LRRC4C: variants seen among roughly 807,000 people sequenced by gnomAD.
LRRC4C encodes the protein leucine-rich repeat-containing protein 4C.
Under a neutral mutation model 33.6 loss-of-function variants are expected in LRRC4C, and 5 were observed. That is an observed-to-expected ratio of 0.15 (90% CI 0.08 to 0.31). The LOEUF is 0.31. Among genes scored for constraint, LRRC4C ranks in the 10% least tolerant of loss-of-function variants. LRRC4C has a pLI of 1.00. For synonymous variants in LRRC4C, 329 were observed against 302.0 expected, an observed-to-expected ratio of 1.09 and a Z score of -0.93; for missense variants, 560 against 796.7, an observed-to-expected ratio of 0.70 and a Z score of 3.58.
chr11:41,243,352 AAAC>A (rs796262897), intron 1 of LRRC4C, among the ~76,000 whole-genome samples: 95 of 152,340 alleles, frequency 6.2e-4, no homozygotes, highest in African/African-American at 2.2e-3. Flanking sequence ...ATATTTTGTC[AAAC>A]AATTTCACTT....
intron 1 of LRRC4C, among the ~76,000 whole-genome samples, chr11:41,386,060 T>C (rs756389409): frequency 2.0e-5 from 3 of 151,640 alleles, no homozygotes; most frequent in Non-Finnish European, 4.4e-5. Flanking sequence ...TTGTAACATC[T>C]TTGCTTAGAC....
At chr11:41,444,234 G>C (rs540249971) in intron 1 of LRRC4C, among the ~76,000 whole-genome samples, 1 of 152,090 alleles carries the variant, frequency 6.6e-6, no homozygotes, top group Middle Eastern at 3.2e-3. Flanking sequence ...AACCACAGAT[G>C]GAAAATATTT....
intron 2 of LRRC4C, among the ~76,000 whole-genome samples, chr11:40,918,175 A>G (rs938485733): frequency 6.6e-6 from 1 of 152,094 alleles, no homozygotes; most frequent in African/African-American, 2.4e-5. Context: ...GAAATCTAGG[A>G]CACAGCCTTT....
At chr11:40,474,645 C>T (rs1953116631) in intron 3 of LRRC4C, among the ~76,000 whole-genome samples, 1 of 152,100 alleles carries the variant, frequency 6.6e-6, no homozygotes, top group African/African-American at 2.4e-5. Flanking sequence ...AGTGAACAGG[C>T]AACCTACAGA....
chr11:40,614,633 T>G (rs1961579819), intron 3 of LRRC4C, among the ~76,000 whole-genome samples: 1 of 151,778 alleles, frequency 6.6e-6, no homozygotes, highest in African/African-American at 2.4e-5. Context: ...CTAATTCAGC[T>G]TTTGACTTGC....
intron 1 of LRRC4C, among the ~76,000 whole-genome samples, chr11:40,971,499 G>A (rs1851726442): frequency 6.6e-6 from 1 of 152,218 alleles, no homozygotes. Flanking sequence ...GAGAGCATAT[G>A]GAAAAGCATG....
intron 2 of LRRC4C, among the ~76,000 whole-genome samples, chr11:40,919,642 G>C (rs762200489): frequency 6.6e-6 from 1 of 151,982 alleles, no homozygotes; most frequent in Non-Finnish European, 1.5e-5. Context: ...GTAAGTTCTG[G>C]GTCTGGGTCT....
chr11:40,944,312 A>G (rs1360271741), intron 1 of LRRC4C, among the ~76,000 whole-genome samples: 1 of 152,182 alleles, frequency 6.6e-6, no homozygotes, highest in Non-Finnish European at 1.5e-5. Context: ...ATCCTTATCT[A>G]TCAATTGCAA....
intron 2 of LRRC4C, among the ~76,000 whole-genome samples, chr11:40,926,809 T>C (rs1349052178): frequency 6.6e-6 from 1 of 152,160 alleles, no homozygotes; most frequent in Non-Finnish European, 1.5e-5. Flanking sequence ...CATATACTTA[T>C]TTAACAAGAA....
intron 2 of LRRC4C, among the ~76,000 whole-genome samples, chr11:40,908,934 C>A (rs531501116): frequency 9.9e-5 from 15 of 152,166 alleles, no homozygotes; most frequent in Admixed American, 8.5e-4. Context: ...ATTACCTATG[C>A]CATTTAGGGA....
At chr11:40,296,253 A>C (rs189339416) in intron 4 of LRRC4C, among the ~76,000 whole-genome samples, 2 of 152,198 alleles carry the variant, frequency 1.3e-5, no homozygotes, top group Non-Finnish European at 2.9e-5. Flanking sequence ...ACTCATTCAC[A>C]CTATATGACC....
chr11:41,339,536 T>C (rs2137451761), intron 1 of LRRC4C, among the ~76,000 whole-genome samples: 1 of 152,182 alleles, frequency 6.6e-6, no homozygotes, highest in Admixed American at 6.5e-5. Flanking sequence ...AAAAAAAACA[T>C]CCCTCTCCTG....
intron 1 of LRRC4C, among the ~76,000 whole-genome samples, chr11:41,168,422 A>T (rs567925720): frequency 6.6e-6 from 1 of 152,174 alleles, no homozygotes; most frequent in Non-Finnish European, 1.5e-5. Flanking sequence ...TTCCATCTTT[A>T]GGTGATTAAA....
intron 2 of LRRC4C, among the ~76,000 whole-genome samples, chr11:40,780,976 C>T (rs1033488877): frequency 5.3e-5 from 8 of 151,822 alleles, no homozygotes; most frequent in Non-Finnish European, 8.8e-5. Flanking sequence ...TTACTGACAG[C>T]GATATGTTCT....
At chr11:41,268,184 C>CAG (rs1256403940) in intron 1 of LRRC4C, among the ~76,000 whole-genome samples, 1 of 152,106 alleles carries the variant, frequency 6.6e-6, no homozygotes, top group African/African-American at 2.4e-5. Flanking sequence ...CATTATCTTA[C>CAG]AGAGCCCCAG....
chr11:40,197,696 C>T (rs1862376333), intron 5 of LRRC4C, among the ~76,000 whole-genome samples: 1 of 152,154 alleles, frequency 6.6e-6, no homozygotes, highest in African/African-American at 2.4e-5. Flanking sequence ...CTAACAAGAA[C>T]TGATAATAGC....
At chr11:41,438,982 G>A (rs931545062) in intron 1 of LRRC4C, among the ~76,000 whole-genome samples, 7 of 152,214 alleles carry the variant, frequency 4.6e-5, no homozygotes, top group African/African-American at 1.7e-4. Context: ...TTGTGTAGTG[G>A]TGAAGTCTGT....
chr11:40,138,599 A>T (rs1471681853), intron 6 of LRRC4C, among the ~76,000 whole-genome samples: 1 of 152,234 alleles, frequency 6.6e-6, no homozygotes, highest in African/African-American at 2.4e-5. Context: ...TGGGGCCTGA[A>T]CTTGAACTGC....
intron 1 of LRRC4C, among the ~76,000 whole-genome samples, chr11:41,062,073 T>C (rs2135370093): frequency 6.6e-6 from 1 of 152,342 alleles, no homozygotes; most frequent in Non-Finnish European, 1.5e-5. Flanking sequence ...GTTCTCACTA[T>C]GGAAAATTTA....
Sources: allele counts gnomAD v4.1 joint callset (sites outside exome capture counted in the v4.1 genomes callset), GRCh38; gene constraint gnomAD v4.1.1; transcripts MANE v1.5; gene names NCBI Gene and HGNC (gene_info 2026-07-23, HGNC 2026-07-21).